The following PIK3C3 variants were observed in gnomAD, a reference collection of about 807,000 sequenced individuals.
PIK3C3 encodes PI3-kinase type 3.
PIK3C3 carries 95 observed loss-of-function variants against 126.1 expected under a neutral mutation model. That is an observed-to-expected ratio of 0.75 (90% confidence interval 0.64 to 0.89). PIK3C3 has a LOEUF of 0.89. Among genes scored for constraint, PIK3C3 ranks in the 40% least tolerant of loss-of-function variants. The pLI is 0.00. For missense variants in PIK3C3, 829 were observed against 1,063.2 expected (o/e 0.78, Z 3.06); for synonymous variants, 374 against 360.0 (o/e 1.04, Z -0.44).
chr18:41,956,906 A>G (rs1979805148), intron 1 of PIK3C3, among the ~76,000 whole-genome samples: 1 of 152,226 alleles, frequency 6.6e-6, no homozygotes, highest in Admixed American at 6.5e-5. Context: ...AATGCCTGGC[A>G]CAGTATCTGA....
chr18:42,051,643 T>G (rs1984807372), intron 21 of PIK3C3, among the ~76,000 whole-genome samples: 1 of 152,154 alleles, frequency 6.6e-6, no homozygotes, highest in African/African-American at 2.4e-5. Flanking sequence ...AATCAGAGTG[T>G]CATGCAGATT....
chr18:42,047,193 A>G (rs938573639), intron 20 of PIK3C3, among the ~76,000 whole-genome samples: 4 of 152,336 alleles, frequency 2.6e-5, no homozygotes, highest in African/African-American at 9.6e-5. Flanking sequence ...TTTATAATTT[A>G]AAAATGGGAA....
At chr18:42,047,310 T>C (rs1018973482) in intron 20 of PIK3C3, among the ~76,000 whole-genome samples, 70 of 152,286 alleles carry the variant, frequency 4.6e-4, no homozygotes, top group African/African-American at 1.6e-3. Flanking sequence ...TTATCGGTAG[T>C]TTAGTACCCT....
intron 4 of PIK3C3, among the ~76,000 whole-genome samples, chr18:41,975,571 C>T (rs541959637): frequency 3.8e-4 from 58 of 152,084 alleles, no homozygotes; most frequent in Non-Finnish European, 6.5e-4. Flanking sequence ...ATCTAGGACA[C>T]CGTATTTCAA....
intron 24 of PIK3C3, among the ~76,000 whole-genome samples, chr18:42,079,528 A>G (rs1986159557): frequency 6.6e-6 from 1 of 152,156 alleles, no homozygotes; most frequent in African/African-American, 2.4e-5. Flanking sequence ...GTTGGAAAAA[A>G]TGGCTCTGAT....
intron 24 of PIK3C3, among the ~76,000 whole-genome samples, chr18:42,076,093 T>TATATATATATATGCAC (rs1985966394): frequency 2.8e-5 from 2 of 72,114 alleles, no homozygotes; most frequent in Non-Finnish European, 5.2e-5. Flanking sequence ...ACCTTGCATA[T>TATATATATATATGCAC]ATATATATAT....
In PIK3C3 at chr18:42,081,708, A is replaced by G. The variant is rs1430951478; in HGVS notation, c.*571A>G. 2.0e-5 allele frequency: 3 copies of G among 152,244 alleles called. No homozygotes were observed. The highest frequency in any genetic ancestry group is 4.4e-5 in the Non-Finnish European group (3 of 68,062). 9.4% of individuals were successfully genotyped at this position (152,244 alleles called of 1,614,324 possible). A position where few individuals can be genotyped will look rare whatever the true frequency, so the allele number is the denominator to read the frequency against. The stretch of plus-strand genomic sequence containing the variant: ...TTCTTCTGCAGTTCAAGAATTGCTT[A>G]TATTTTTAGAAGATACTCATTTTCT... On this transcript the variant is annotated 3_prime_UTR_variant, in exon 25 of 25. Coordinates refer to ENST00000262039, the MANE Select transcript of PIK3C3 (RefSeq NM_002647.4).
chr18:42,013,538 CAG>C lies in PIK3C3; in HGVS notation c.1270_1271del (p.Ser424PhefsTer18). The part of the protein sequence containing the change: ...NGLEPTKKDS[Q>X]SSVSENVSNS... ...ATTGGAACCTACCAAGAAGGATAGT[CAG>C]AGTTCAGTGTCAGAAAATGTGTCAA... On this transcript the variant is annotated frameshift_variant, in exon 11 of 25. Transcript: ENST00000262039. LOFTEE classifies it high-confidence loss of function. 6.2e-7 allele frequency: 1 copy of C among 1,602,690 alleles called. No homozygotes were observed. The highest frequency in any genetic ancestry group is 8.5e-7 in the Non-Finnish European group (1 of 1,173,144).
At chr18:42,067,941 C>A (rs1462966501) in intron 24 of PIK3C3, among the ~76,000 whole-genome samples, 1 of 152,166 alleles carries the variant, frequency 6.6e-6, no homozygotes, top group Non-Finnish European at 1.5e-5. Context: ...TAGCAGTATC[C>A]ACAGATAAGT....
At chr18:42,002,688 T>C (rs944922501) in intron 9 of PIK3C3, among the ~76,000 whole-genome samples, 2 of 152,200 alleles carry the variant, frequency 1.3e-5, no homozygotes, top group Admixed American at 6.5e-5. Context: ...TGTTGTGGGG[T>C]ATTTCTGCTA....
chr18:42,002,196 T>C (rs1982322699), intron 9 of PIK3C3, among the ~76,000 whole-genome samples: 1 of 152,130 alleles, frequency 6.6e-6, no homozygotes, highest in Non-Finnish European at 1.5e-5. Flanking sequence ...TTAGAGGAGA[T>C]GATATCCCTG....
At chr18:42,018,477 C>T (rs1486036044) in intron 12 of PIK3C3, among the ~76,000 whole-genome samples, 1 of 152,060 alleles carries the variant, frequency 6.6e-6, no homozygotes, top group African/African-American at 2.4e-5. Context: ...AACTCATGGA[C>T]TCAGCTTTAT....
At chr18:42,064,576 G>A (rs955163451) in intron 22 of PIK3C3, 164 bp from the exon 23 acceptor site, 18 of 557,926 alleles carry the variant, frequency 3.2e-5, no homozygotes, top group Non-Finnish European at 4.9e-5. Flanking sequence ...TAAAATATTT[G>A]TCAAGGCTTG....
intron 24 of PIK3C3, among the ~76,000 whole-genome samples, chr18:42,078,174 G>A (rs940769256): frequency 1.3e-5 from 2 of 151,408 alleles, no homozygotes; most frequent in African/African-American, 4.9e-5. Context: ...TCAGGAGATC[G>A]AGACCATCCT....
chr18:42,071,076 G>A (rs983494939), intron 24 of PIK3C3, among the ~76,000 whole-genome samples: 2 of 152,108 alleles, frequency 1.3e-5, no homozygotes, highest in Admixed American at 6.5e-5. Context: ...AGGCTCTTTT[G>A]GACTAGGATA....
At chr18:41,958,842 G>C (rs917224338) in intron 2 of PIK3C3, among the ~76,000 whole-genome samples, 2 of 151,896 alleles carry the variant, frequency 1.3e-5, no homozygotes, top group Non-Finnish European at 2.9e-5. Flanking sequence ...TACAGTGAAC[G>C]CCTAAGTTTC....
At chr18:41,958,201 T>C (rs901714277) in intron 2 of PIK3C3, among the ~76,000 whole-genome samples, 7 of 144,142 alleles carry the variant, frequency 4.9e-5, no homozygotes, top group Non-Finnish European at 4.4e-5. Context: ...GAAACTAATT[T>C]ATTTAGATTC....
At chr18:41,997,145 C>T (rs976500184) in intron 9 of PIK3C3, among the ~76,000 whole-genome samples, 2 of 152,068 alleles carry the variant, frequency 1.3e-5, no homozygotes, top group African/African-American at 2.4e-5. Context: ...TGCTGGTTCT[C>T]TTCTTCTTAC....
At position 42,010,045 on chromosome 18, in the gene PIK3C3, T is replaced by C. The variant is rs149418117; in HGVS notation, c.1171-3397T>C. ...TTTGTCTGCAGCATGCAATGCTGCT[T>C]GTTAGCATTTTTTCCACAGTAGAAC... On this transcript the variant is annotated intron_variant, in intron 10 of 24. Coordinates refer to ENST00000262039, the MANE Select transcript of PIK3C3 (RefSeq NM_002647.4). Among the ~76,000 whole-genome samples the C allele has an allele frequency of 6.1e-3, 932 of 152,304 alleles. 4 individuals carry two copies. Among genetic ancestry groups the C allele is most frequent in the Non-Finnish European group, 8.2e-3 (556 of 68,022 alleles).
Sources: allele counts gnomAD v4.1 joint callset (sites outside exome capture counted in the v4.1 genomes callset), GRCh38; gene constraint gnomAD v4.1.1; transcripts MANE v1.5; gene names NCBI Gene and HGNC (gene_info 2026-07-23, HGNC 2026-07-21).